Variants in TPO observed in about 807,000 individuals in gnomAD.
TPO encodes the protein thyroid peroxidase.
TPO carries 78 observed loss-of-function variants against 96.9 expected under a neutral mutation model. The observed-to-expected ratio is 0.81, with a 90% CI of 0.67 to 0.97. The LOEUF (loss-of-function observed/expected upper bound fraction) is 0.97, where lower values mean the gene tolerates loss of function less well. Ranked by LOEUF, TPO falls within the 50% of genes least tolerant of loss-of-function variation. The pLI is 0.00. For missense variants in TPO, 1,252 were observed against 1,274.8 expected (o/e 0.98, Z 0.27); for synonymous variants, 547 against 538.0 (o/e 1.02, Z -0.23).
chr2:1,387,610 G>T (rs973514543), intron 1 of TPO, among the ~76,000 whole-genome samples: 1 of 152,092 alleles, frequency 6.6e-6, no homozygotes, highest in African/African-American at 2.4e-5. Flanking sequence ...TTAGCCATTC[G>T]TCTAATCTTT....
intron 1 of TPO, among the ~76,000 whole-genome samples, chr2:1,379,141 C>T (rs1272485148): frequency 1.3e-5 from 2 of 152,116 alleles, no homozygotes; most frequent in Non-Finnish European, 2.9e-5. Flanking sequence ...CCAGTCTCTA[C>T]TCAAAATATA....
chr2:1,413,631 T>A (rs1662580388), intron 1 of TPO, 86 bp downstream of exon 1: 1 of 977,744 alleles, frequency 1.0e-6, no homozygotes, highest in African/African-American at 1.8e-5. Context: ...GTGGCTGTAA[T>A]TTGGGCCATT....
At chr2:1,502,518 T>A (rs547662798) in intron 13 of TPO, among the ~76,000 whole-genome samples, 3 of 152,054 alleles carry the variant, frequency 2.0e-5, no homozygotes, top group Non-Finnish European at 4.4e-5. Flanking sequence ...GCCTCCTGAG[T>A]AGCTGGGATT....
chr2:1,530,955 A>AC (rs1321178719), intron 15 of TPO, among the ~76,000 whole-genome samples: 1 of 84,180 alleles, frequency 1.2e-5, no homozygotes, highest in African/African-American at 5.1e-5. Context: ...ACTATGTGCG[A>AC]CCTCCTCAAA....
rs138207427 is a variant in TPO at position 1,526,094 on chromosome 2, C to T, written c.2618+9112C>T. Among the ~76,000 whole-genome samples the T allele has an allele frequency of 9.5e-3, 675 of 70,872 alleles. 20 individuals carry two copies. The highest frequency in any genetic ancestry group is 0.038 in the African/African-American group (637 of 16,954). 46.5% of individuals were successfully genotyped at this position (70,872 alleles called of 152,430 possible). On this transcript the variant is annotated intron_variant, in intron 15 of 16. Transcript: ENST00000329066. The stretch of plus-strand genomic sequence containing the variant: ...AACCTCCCCAAATCCTCCCACTGTG[C>T]GCAACCTCCCCAAATCCCCCCGACT...
intron 1 of TPO, 120 bp downstream of exon 1, chr2:1,413,665 T>C: frequency 4.1e-6 from 4 of 985,462 alleles, no homozygotes; most frequent in Non-Finnish European, 4.8e-6. Context: ...GTGGCGTCTC[T>C]CAGCAAAGCT....
intron 7 of TPO, among the ~76,000 whole-genome samples, chr2:1,457,592 CAT>C (rs1263146134): frequency 1.9e-4 from 28 of 149,588 alleles, no homozygotes; most frequent in African/African-American, 5.7e-4. Context: ...TGTGGGTACA[CAT>C]ATATGTAGCA....
At chr2:1,386,703 C>A (rs1159651819) in intron 1 of TPO, among the ~76,000 whole-genome samples, 2 of 152,074 alleles carry the variant, frequency 1.3e-5, no homozygotes, top group Non-Finnish European at 2.9e-5. Flanking sequence ...AGCATTTAGC[C>A]CATTTACATT....
intron 15 of TPO, among the ~76,000 whole-genome samples, chr2:1,522,516 G>C (rs1675425159): frequency 6.8e-6 from 1 of 147,694 alleles, no homozygotes; most frequent in Non-Finnish European, 1.5e-5. Context: ...CAGTCTCTCT[G>C]ATCTGTCTCC....
intron 15 of TPO, among the ~76,000 whole-genome samples, chr2:1,526,668 C>G (rs1440878986): frequency 8.0e-6 from 1 of 124,702 alleles, no homozygotes; most frequent in Non-Finnish European, 1.6e-5. Flanking sequence ...ATCCCCCAAA[C>G]TGTGTTCATC....
chr2:1,537,163 C>G (rs1407462684), intron 15 of TPO, among the ~76,000 whole-genome samples: 1 of 107,792 alleles, frequency 9.3e-6, no homozygotes, highest in African/African-American at 3.9e-5. Flanking sequence ...TGTGCAAGTG[C>G]CCCCTATTTC....
intron 7 of TPO, among the ~76,000 whole-genome samples, chr2:1,464,052 A>G (rs569966244): frequency 1.3e-5 from 2 of 151,764 alleles, no homozygotes; most frequent in Non-Finnish European, 2.9e-5. Flanking sequence ...CTCCCTTCCC[A>G]CCCTTTCCCC....
chr2:1,449,828 C>T (rs1418810073), intron 5 of TPO, among the ~76,000 whole-genome samples: 4 of 152,112 alleles, frequency 2.6e-5, no homozygotes, highest in Non-Finnish European at 4.4e-5. Flanking sequence ...AAAGCATTTG[C>T]ATCTTTTGAA....
intron 14 of TPO, among the ~76,000 whole-genome samples, chr2:1,511,934 G>C (rs1674175301): frequency 6.6e-6 from 1 of 152,230 alleles, no homozygotes; most frequent in East Asian, 1.9e-4. Flanking sequence ...GTATACAACA[G>C]GAGCATGAGT....
intron 1 of TPO, 191 bp downstream of exon 1, chr2:1,413,736 G>C: frequency 2.5e-5 from 25 of 985,316 alleles, no homozygotes; most frequent in Non-Finnish European, 2.9e-5. Flanking sequence ...GAGTCCTGTA[G>C]GGTCGATTCC....
intron 2 of TPO, among the ~76,000 whole-genome samples, chr2:1,420,649 G>C (rs1338850920): frequency 6.6e-6 from 1 of 152,156 alleles, no homozygotes; most frequent in African/African-American, 2.4e-5. Context: ...AATTCAGTGG[G>C]CATCAGGAGC....
chr2:1,455,576 A>G (rs541422318), intron 6 of TPO, among the ~76,000 whole-genome samples: 55 of 152,330 alleles, frequency 3.6e-4, no homozygotes, highest in African/African-American at 1.3e-3. Flanking sequence ...GGTGTTAAAC[A>G]TAACAGCAAC....
chr2:1,532,660 GTGTACAACTTCCTCACAACCACCCACTC>G (rs1678586488), intron 15 of TPO, among the ~76,000 whole-genome samples: 1 of 4,704 alleles, frequency 2.1e-4, no homozygotes, highest in Non-Finnish European at 3.4e-4. Context: ...CCCCCCAACT[GTGTACAACTTCCTCACAACCACCCACTC>G]TGTGCAACCT....
chr2:1,531,240 C>CTCCTCAAATCCCCACACT lies in TPO; in HGVS notation c.2619-9354_2619-9353insTCCTCAAATCCCCACACT, dbSNP rs1278466751. ...CCAAATCGCCCCCACTGTGTGCAAC[C>CTCCTCAAATCCCCACACT]GCCTCATATTCCCCCCACTGTGTGG... On this transcript the variant is annotated intron_variant, in intron 15 of 16. Coordinates refer to ENST00000329066, the MANE Select transcript of TPO (RefSeq NM_001206744.2). Among the ~76,000 whole-genome samples the CTCCTCAAATCCCCACACT allele has an allele frequency of 3.6e-4, 47 of 130,288 alleles. 2 individuals carry two copies. Among genetic ancestry groups the CTCCTCAAATCCCCACACT allele is most frequent in the Admixed American group, 7.8e-4 (10 of 12,888 alleles). The allele number at this position is 130,288 out of a possible 152,430, so 85.5% of individuals were successfully genotyped here.
Sources: gnomAD v4.1 joint callset for allele counts (sites outside exome capture counted in the v4.1 genomes callset) on GRCh38, gnomAD v4.1.1 for gene constraint, MANE v1.5 for transcripts, NCBI Gene and HGNC (gene_info 2026-07-23, HGNC 2026-07-21) for gene names.